Variants in RASA3 observed in about 807,000 individuals in gnomAD.
RASA3 encodes the protein RAS p21 protein activator 3.
In RASA3, 73 loss-of-function variants were observed where a neutral mutation model predicts 110.0. The ratio of observed to expected loss-of-function variants is 0.66; its 90% CI spans 0.55 to 0.81. The LOEUF (loss-of-function observed/expected upper bound fraction) is 0.81. Ranked by LOEUF, RASA3 falls within the 30% of genes least tolerant of loss-of-function variation. RASA3 has a pLI of 0.00. For missense variants in RASA3, 976 were observed against 1,113.2 expected, an observed-to-expected ratio of 0.88 and a Z score of 1.75; for synonymous variants, 500 against 451.4, an observed-to-expected ratio of 1.11 and a Z score of -1.37.
chr13:114,090,132 G>A (rs575060522), intron 1 of RASA3, among the ~76,000 whole-genome samples: 73 of 152,306 alleles, frequency 4.8e-4, no homozygotes, highest in Non-Finnish European at 1.0e-3. Context: ...ATGTGAACAC[G>A]GACAGCTTTG....
chr13:114,095,689 C>T (rs2079933260), intron 1 of RASA3, among the ~76,000 whole-genome samples: 1 of 152,068 alleles, frequency 6.6e-6, no homozygotes, highest in African/African-American at 2.4e-5. Context: ...AGGAGAGGCA[C>T]TCTGAGGGAC....
Position 114,041,009 on chromosome 13 carries a change from C to T in RASA3, c.363G>A (p.Ser121=), listed in dbSNP as rs138165458. Residue 121 remains serine (S), a synonymous_variant, in exon 4 of 24, where the codon TCG becomes TCA. Transcript: ENST00000334062. ...WFQLQHVDAD[S]EVQGKVHLEL... Reference sequence around the variant, plus strand: ...GCGCCGAGAGTCTCACCTGCACTTCCGAGTCAGCGTCCACGTGCTGCAGCT... The same window carrying T: ...GCGCCGAGAGTCTCACCTGCACTTCTGAGTCAGCGTCCACGTGCTGCAGCT... 121 of 1,613,562 alleles carry T rather than the reference C, an allele frequency of 7.5e-5. No individual in the cohort carries two copies. Among genetic ancestry groups the T allele is most frequent in the African/African-American group, 3.3e-4 (25 of 74,956 alleles).
chr13:114,048,361 C>A lies in RASA3; in HGVS notation c.277+3691G>T, dbSNP rs927986139. On this transcript the variant is annotated intron_variant, in intron 3 of 23. Transcript: ENST00000334062. The surrounding 1 kb of genome is among the most constrained non-coding windows in gnomAD (Gnocchi z 4.3). ...GAAAAGAATGGAGGTCTCACTGCAC[C>A]CCCACCCCATTGGGAAGCCTCAGAG... Among the ~76,000 whole-genome samples the A allele has an allele frequency of 3.9e-5, 6 of 152,076 alleles. No homozygotes were observed. Among genetic ancestry groups the A allele is most frequent in the Admixed American group, 2.6e-4 (4 of 15,292 alleles).
chr13:114,121,942 A>T (rs1453848226), intron 1 of RASA3, among the ~76,000 whole-genome samples: 1 of 152,182 alleles, frequency 6.6e-6, no homozygotes, highest in Non-Finnish European at 1.5e-5. Context: ...TCCCACTGTC[A>T]CTGCAGGTGA....
At chr13:114,013,589 TCTCTCC>T (rs2053696887) in intron 14 of RASA3, among the ~76,000 whole-genome samples, 2 of 86,548 alleles carry the variant, frequency 2.3e-5, no homozygotes, top group African/African-American at 1.2e-4. Flanking sequence ...TCTCTCTCTC[TCTCTCC>T]GTCTCTGGCT....
intron 1 of RASA3, 118 bp from the exon 2 acceptor site, chr13:114,073,955 G>C (rs2079624202): frequency 1.1e-6 from 1 of 921,146 alleles, no homozygotes; most frequent in Non-Finnish European, 1.7e-6. Context: ...ATAAAGCCTT[G>C]GTTTTTTTGC....
intron 11 of RASA3, among the ~76,000 whole-genome samples, chr13:114,017,885 C>A (rs1353801097): frequency 1.3e-5 from 2 of 151,670 alleles, no homozygotes; most frequent in Non-Finnish European, 2.9e-5. Flanking sequence ...CCTCCCCACT[C>A]ACTCACTCTA....
intron 1 of RASA3, among the ~76,000 whole-genome samples, chr13:114,093,427 G>T (rs758610101): frequency 3.3e-5 from 5 of 152,206 alleles, no homozygotes; most frequent in Admixed American, 2.6e-4. Context: ...AGAAGTTGCT[G>T]CTAGGTATAT....
intron 14 of RASA3, among the ~76,000 whole-genome samples, chr13:114,013,900 CTCTT>C (rs1289047922): frequency 4.3e-5 from 5 of 116,222 alleles, no homozygotes; most frequent in African/African-American, 1.1e-4. Context: ...CTCTTTTTCT[CTCTT>C]TCTCTGTCTC....
At chr13:114,109,864 A>G (rs1392060474) in intron 1 of RASA3, among the ~76,000 whole-genome samples, 1 of 152,210 alleles carries the variant, frequency 6.6e-6, no homozygotes, top group African/African-American at 2.4e-5. Flanking sequence ...CACGAGACTC[A>G]GCATCGTGTG....
intron 16 of RASA3, among the ~76,000 whole-genome samples, chr13:114,009,678 G>C (rs1007570470): frequency 2.6e-5 from 4 of 152,262 alleles, no homozygotes; most frequent in South Asian, 2.1e-4. Flanking sequence ...AGACCTGCCA[G>C]TGCCCGTGAG....
chr13:114,100,216 C>T (rs1173712966), intron 1 of RASA3, among the ~76,000 whole-genome samples: 1 of 151,750 alleles, frequency 6.6e-6, no homozygotes, highest in Non-Finnish European at 1.5e-5. Context: ...CGCCCCGGCC[C>T]GCGGTGCTGA....
At position 113,983,474 on chromosome 13, in the gene RASA3, T is replaced by C. The variant is rs1594273548; in HGVS notation, c.2246-1616A>G. ...TGACAGCAAAATGTGGGGAGAGAGATGATTTGAAGGTGGAATTGTTGAGCA... is the reference window on the plus strand; with the variant it reads ...TGACAGCAAAATGTGGGGAGAGAGACGATTTGAAGGTGGAATTGTTGAGCA... On this transcript the variant is annotated intron_variant, in intron 22 of 23. Coordinates refer to ENST00000334062, the MANE Select transcript of RASA3 (RefSeq NM_007368.4). Among the ~76,000 whole-genome samples, 2 of 114,562 alleles carry C rather than the reference T, an allele frequency of 1.7e-5. 1 individual carries two copies. Among genetic ancestry groups the C allele is most frequent in the Non-Finnish European group, 4.0e-5 (2 of 49,518 alleles). The allele number at this position is 114,562 out of a possible 152,430, so 75.2% of individuals were successfully genotyped here. A position where few individuals can be genotyped will look rare whatever the true frequency, so the allele number is the denominator to read the frequency against.
At position 114,048,683 on chromosome 13, in the gene RASA3, T is replaced by C. The variant is rs2079094392; in HGVS notation, c.277+3369A>G. On this transcript the variant is annotated intron_variant, in intron 3 of 23. Coordinates refer to ENST00000334062, the MANE Select transcript of RASA3 (RefSeq NM_007368.4). This position sits in a 1 kb window ranked among gnomAD's most constrained non-coding sequence, Gnocchi z 4.3. ...CCCGAAGGAGCCTGCGCCCCGTGTG[T>C]CCCGCAGGTCACGGCCCTGCAGCTG... Among the ~76,000 whole-genome samples the C allele has an allele frequency of 6.6e-6, 1 of 152,192 alleles. No individual in the cohort carries two copies. The highest frequency in any genetic ancestry group is 2.4e-5 in the African/African-American group (1 of 41,448).
intron 1 of RASA3, among the ~76,000 whole-genome samples, chr13:114,104,453 C>A (rs1342645976): frequency 6.6e-6 from 1 of 152,206 alleles, no homozygotes; most frequent in Non-Finnish European, 1.5e-5. Flanking sequence ...GCCCATACCC[C>A]ATGACCTGTA....
chr13:114,105,609 C>G (rs2080122621), intron 1 of RASA3, among the ~76,000 whole-genome samples: 1 of 152,226 alleles, frequency 6.6e-6, no homozygotes, highest in Non-Finnish European at 1.5e-5. Context: ...GGGGCCAGCA[C>G]TGACCAGACG....
chr13:113,995,063 G>A (rs899017284), intron 21 of RASA3, among the ~76,000 whole-genome samples: 5 of 152,220 alleles, frequency 3.3e-5, no homozygotes, highest in African/African-American at 9.6e-5. Context: ...CGAGCTGTCC[G>A]GCCTCAGCGG....
At position 114,013,870 on chromosome 13, in the gene RASA3, C is replaced by G. The variant is rs572292972; in HGVS notation, c.1406-622G>C. ...CATCTCTCTGTCTCTCTCCCTGTCT[C>G]TCTCCCTATCTCTGTCTCTCTCTTT... On this transcript the variant is annotated intron_variant, in intron 14 of 23. Transcript: ENST00000334062. Among the ~76,000 whole-genome samples the G allele has an allele frequency of 1.8e-4, 18 of 98,830 alleles. 1 individual carries two copies. The highest frequency in any genetic ancestry group is 2.4e-4 in the Non-Finnish European group (12 of 49,402). The allele number at this position is 98,830 out of a possible 152,430, so 64.8% of individuals were successfully genotyped here.
chr13:114,105,560 C>T (rs1232026618), intron 1 of RASA3, among the ~76,000 whole-genome samples: 2 of 152,224 alleles, frequency 1.3e-5, no homozygotes, highest in African/African-American at 4.8e-5. Flanking sequence ...ATCGAAGCTC[C>T]TCACCTGCCT....
Sources: gnomAD v4.1 joint callset for allele counts (sites outside exome capture counted in the v4.1 genomes callset) on GRCh38, gnomAD v4.1.1 for gene constraint, Gnocchi (gnomAD v3.1) non-coding constraint, MANE v1.5 for transcripts, NCBI Gene and HGNC (gene_info 2026-07-23, HGNC 2026-07-21) for gene names.